The following CCDC93 variants were observed in gnomAD, a reference collection of about 807,000 sequenced individuals.
CCDC93 encodes coiled-coil domain-containing protein 93.
In CCDC93, 61 loss-of-function variants were observed where a neutral mutation model predicts 108.2. The observed-to-expected ratio is 0.56, with a 90% confidence interval of 0.46 to 0.70. The LOEUF (loss-of-function observed/expected upper bound fraction) is 0.70, where lower values mean the gene tolerates loss of function less well. CCDC93 is among the 30% of genes least tolerant of loss of function. The probability of loss-of-function intolerance (pLI) is 0.00; values close to 1 mark genes in which losing one functional copy is unlikely to be tolerated. For synonymous variants in CCDC93, 276 were observed against 260.4 expected (o/e 1.06, Z -0.58); for missense variants, 685 against 764.2 (o/e 0.90, Z 1.22).
At chr2:118,002,784 T>G (rs1676744398) in intron 3 of CCDC93, among the ~76,000 whole-genome samples, 2 of 152,118 alleles carry the variant, frequency 1.3e-5, no homozygotes, top group African/African-American at 4.8e-5. Context: ...ATGCATGTAA[T>G]CCTAGTGCTT....
At chr2:117,954,099 G>A (rs138302360) in intron 12 of CCDC93, among the ~76,000 whole-genome samples, 93 of 152,266 alleles carry the variant, frequency 6.1e-4, no homozygotes, top group Non-Finnish European at 1.0e-3. Context: ...ACTAAGACAA[G>A]GCTCTAGGAA....
chr2:117,989,524 A>C (rs1680415167), intron 6 of CCDC93, among the ~76,000 whole-genome samples: 1 of 152,214 alleles, frequency 6.6e-6, no homozygotes. Context: ...CTGGAATGTC[A>C]CTACTGTTGC....
Position 117,936,861 on chromosome 2 carries a change from A to G in CCDC93, c.1606-122T>C. On this transcript the variant is annotated intron_variant, in intron 20 of 23. Transcript: ENST00000376300. ...TCTGCAAGGAACACATGCCTTGTTTATGAAGATTAAAGTAACATATGAAAA... is the reference window on the plus strand; with the variant it reads ...TCTGCAAGGAACACATGCCTTGTTTGTGAAGATTAAAGTAACATATGAAAA... The G allele has an allele frequency of 5.1e-6, 4 of 778,480 alleles. No individual in the cohort carries two copies. The South Asian group carries it at 5.7e-5, about 11-fold the overall frequency. 48.2% of individuals were successfully genotyped at this position (778,480 alleles called of 1,614,324 possible).
intron 23 of CCDC93, among the ~76,000 whole-genome samples, chr2:117,923,490 TC>T (rs1423322750): frequency 6.6e-6 from 1 of 152,140 alleles, no homozygotes; most frequent in African/African-American, 2.4e-5. Flanking sequence ...CCTCAGAGGA[TC>T]CTACGCCCAT....
At chr2:117,945,975 G>A (rs148900643) in intron 16 of CCDC93, among the ~76,000 whole-genome samples, 99 of 152,318 alleles carry the variant, frequency 6.5e-4, no homozygotes, top group African/African-American at 2.2e-3. Flanking sequence ...TGGACTGTGC[G>A]ACGATGAGCC....
chr2:117,983,652 A>T (rs200367710), intron 7 of CCDC93, among the ~76,000 whole-genome samples: 1 of 4,012 alleles, frequency 2.5e-4, no homozygotes, highest in Admixed American at 2.1e-3. Context: ...ATATATATAT[A>T]TATATATATA....
At chr2:118,009,141 C>T (rs571903665) in intron 1 of CCDC93, among the ~76,000 whole-genome samples, 16 of 152,106 alleles carry the variant, frequency 1.1e-4, no homozygotes, top group African/African-American at 2.4e-4. Flanking sequence ...GAGGCTGAGG[C>T]GGGCGGATCA....
chr2:117,959,744 C>T (rs1679329951), intron 11 of CCDC93, among the ~76,000 whole-genome samples: 1 of 152,114 alleles, frequency 6.6e-6, no homozygotes, highest in Non-Finnish European at 1.5e-5. Flanking sequence ...AACAGAAAAA[C>T]TAAGCATTTA....
chr2:117,999,813 C>A (rs1330215032), intron 4 of CCDC93: 6 of 152,096 alleles, frequency 3.9e-5, no homozygotes, highest in Non-Finnish European at 8.8e-5. Context: ...TTATTACTTT[C>A]TTTTTCCAGC....
intron 17 of CCDC93, chr2:117,944,588 C>T: frequency 2.6e-6 from 1 of 379,318 alleles, no homozygotes; most frequent in Non-Finnish European, 5.4e-6. Flanking sequence ...CCTCATTGAA[C>T]CCAGCAATGA....
chr2:117,952,627 A>C (rs1029640363), intron 12 of CCDC93, among the ~76,000 whole-genome samples, 192 bp from the exon 13 acceptor site: 1 of 152,236 alleles, frequency 6.6e-6, no homozygotes, highest in Non-Finnish European at 1.5e-5. Context: ...ATGTCAGCTG[A>C]TGTACTAGGA....
In CCDC93 at chr2:117,920,006, A is replaced by G. The variant is rs545436080; in HGVS notation, c.*337T>C. 5.3e-6 allele frequency: 1 copy of G among 188,358 alleles called. No individual in the cohort carries two copies. Among genetic ancestry groups the G allele is most frequent in the East Asian group, 1.2e-4 (1 of 8,154 alleles). 11.7% of individuals were successfully genotyped at this position (188,358 alleles called of 1,614,324 possible). ...TGCTGAACTAATACTTGCTAAACAA[A>G]TGAATTCTTCTTTATTCAGAGTCCA... On this transcript the variant is annotated 3_prime_UTR_variant, in exon 24 of 24. Coordinates refer to ENST00000376300, the MANE Select transcript of CCDC93 (RefSeq NM_019044.5).
intron 11 of CCDC93, among the ~76,000 whole-genome samples, chr2:117,962,161 T>C (rs1457130280): frequency 5.9e-5 from 9 of 152,220 alleles, no homozygotes; most frequent in Admixed American, 5.9e-4. Flanking sequence ...CTTTTATAAT[T>C]GAAAGAAACC....
intron 6 of CCDC93, 161 bp downstream of exon 6, chr2:117,995,285 A>G: frequency 1.5e-6 from 1 of 670,254 alleles, no homozygotes; most frequent in Admixed American, 2.4e-5. Flanking sequence ...CCTGGCCCTG[A>G]GCAGTAAAGC....
intron 11 of CCDC93, among the ~76,000 whole-genome samples, chr2:117,968,776 T>C (rs1679669756): frequency 6.6e-6 from 1 of 152,162 alleles, no homozygotes; most frequent in Non-Finnish European, 1.5e-5. Context: ...CCGCAAATTA[T>C]CCTTTTCCCT....
chr2:117,925,386 G>T (rs543298907), intron 23 of CCDC93, among the ~76,000 whole-genome samples: 2 of 152,210 alleles, frequency 1.3e-5, no homozygotes, highest in East Asian at 3.9e-4. Context: ...CATCTCATAT[G>T]CAGAGACACA....
At chr2:117,932,821 A>C (rs866866769) in intron 22 of CCDC93, among the ~76,000 whole-genome samples, 3 of 152,046 alleles carry the variant, frequency 2.0e-5, no homozygotes, top group South Asian at 2.1e-4. Context: ...GTGGGCTCCA[A>C]CTCTCAAAGC....
chr2:117,927,358 T>C (rs1004448525), intron 23 of CCDC93, among the ~76,000 whole-genome samples: 11 of 152,150 alleles, frequency 7.2e-5, no homozygotes, highest in African/African-American at 2.7e-4. Context: ...CATGATTGTA[T>C]ATCTAGAAAA....
At chr2:117,982,901 C>A (rs1026248439) in intron 7 of CCDC93, among the ~76,000 whole-genome samples, 1 of 152,152 alleles carries the variant, frequency 6.6e-6, no homozygotes, top group Non-Finnish European at 1.5e-5. Flanking sequence ...CATACACATG[C>A]TAGAGGGAGG....
Sources: allele counts gnomAD v4.1 joint callset (sites outside exome capture counted in the v4.1 genomes callset), GRCh38; gene constraint gnomAD v4.1.1; transcripts MANE v1.5; gene names NCBI Gene and HGNC (gene_info 2026-07-23, HGNC 2026-07-21).